The following CTNNA2 variants were observed in gnomAD, a reference collection of about 807,000 sequenced individuals.
CTNNA2 encodes catenin alpha 2, also known as catenin alpha-2.
In CTNNA2, 42 loss-of-function variants were observed where a neutral mutation model predicts 101.0. The observed-to-expected ratio is 0.42, with a 90% confidence interval of 0.32 to 0.54. CTNNA2 has a LOEUF of 0.54. CTNNA2 is among the 20% of genes least tolerant of loss of function. The pLI, the probability that CTNNA2 is intolerant of heterozygous loss-of-function variation, is 0.14. For synonymous variants in CTNNA2, 450 were observed against 456.4 expected (o/e 0.99, Z 0.18); for missense variants, 871 against 1,223.1 (o/e 0.71, Z 4.29).
chr2:79,703,681 A>G (rs1041176742), intron 2 of CTNNA2, among the ~76,000 whole-genome samples: 4 of 152,184 alleles, frequency 2.6e-5, no homozygotes, highest in African/African-American at 7.2e-5. Flanking sequence ...GAACTGAATT[A>G]TTTGTATTTA....
At chr2:80,306,452 C>CTTTCTT (rs1396803931) in intron 7 of CTNNA2, among the ~76,000 whole-genome samples, 11 of 135,304 alleles carry the variant, frequency 8.1e-5, no homozygotes, top group South Asian at 2.3e-4. Context: ...TTCTTTCTTT[C>CTTTCTT]TCTCTCTCTC....
Position 80,458,793 on chromosome 2 carries a change from A to C in CTNNA2, c.1290+39192A>C, listed in dbSNP as rs867993358. ...TATCCTGGGTTTATATTATTAACTT[A>C]TAGAGACTTAAACAATTATAAATGA... On this transcript the variant is annotated intron_variant, in intron 9 of 18. Transcript: ENST00000402739. Among the ~76,000 whole-genome samples, 3 of 152,258 alleles carry C rather than the reference A, an allele frequency of 2.0e-5. No individual in the cohort carries two copies. The South Asian group carries it at 6.2e-4, about 32-fold the overall frequency.
intron 13 of CTNNA2, chr2:80,579,354 T>C (rs185760391): frequency 1.3e-5 from 2 of 152,194 alleles, no homozygotes; most frequent in Admixed American, 6.5e-5. Context: ...ATATTCTGCT[T>C]ATTTTTGTTG....
chr2:79,236,093 G>A (rs1292326512), intron 2 of CTNNA2, among the ~76,000 whole-genome samples: 1 of 152,138 alleles, frequency 6.6e-6, no homozygotes, highest in Non-Finnish European at 1.5e-5. Flanking sequence ...GATGGATTCA[G>A]GCAGAAACAG....
intron 6 of CTNNA2, among the ~76,000 whole-genome samples, chr2:79,889,038 T>A (rs559345672): frequency 6.6e-6 from 1 of 152,254 alleles, no homozygotes; most frequent in South Asian, 2.1e-4. Flanking sequence ...GTGTGATTTC[T>A]TATGTTAGTA....
intron 3 of CTNNA2, among the ~76,000 whole-genome samples, chr2:79,324,852 G>A (rs1039546012): frequency 2.6e-5 from 4 of 152,134 alleles, no homozygotes; most frequent in African/African-American, 9.7e-5. Context: ...ATAGCAGGAG[G>A]CAGCATGAAG....
intron 1 of CTNNA2, among the ~76,000 whole-genome samples, chr2:79,568,172 C>T (rs1269233199): frequency 3.3e-5 from 5 of 152,122 alleles, no homozygotes; most frequent in African/African-American, 4.8e-5. Context: ...TCTGGCACAT[C>T]GTAAGTGCTA....
At chr2:80,258,112 A>G (rs1322780050) in intron 7 of CTNNA2, among the ~76,000 whole-genome samples, 1 of 152,212 alleles carries the variant, frequency 6.6e-6, no homozygotes, top group Admixed American at 6.5e-5. Context: ...TAACAGATGG[A>G]TGTAAAGTAA....
rs527704176 is a variant in CTNNA2, at chr2:80,491,204, G to A, written c.1291-53778G>A. On this transcript the variant is annotated intron_variant, in intron 9 of 18. Coordinates refer to ENST00000402739, the MANE Select transcript of CTNNA2 (RefSeq NM_001282597.3). Reference sequence around the variant, plus strand: ...AGCGAGGCAAACTGATTGTTTATCAGTCCCAGTTTGATGGCTTCAGAGCAG... The same window carrying A: ...AGCGAGGCAAACTGATTGTTTATCAATCCCAGTTTGATGGCTTCAGAGCAG... Among the ~76,000 whole-genome samples the A allele has an allele frequency of 1.2e-4, 19 of 152,280 alleles. 1 individual carries two copies. In the South Asian group the frequency reaches 3.5e-3, roughly 28 times the overall value.
intron 2 of CTNNA2, among the ~76,000 whole-genome samples, chr2:79,718,734 T>A (rs536459635): frequency 6.6e-6 from 1 of 152,124 alleles, no homozygotes; most frequent in African/African-American, 2.4e-5. Context: ...TGCTGATGTA[T>A]AGCAAAGATT....
intron 7 of CTNNA2, among the ~76,000 whole-genome samples, chr2:80,315,913 T>C (rs1278979065): frequency 6.6e-6 from 1 of 152,182 alleles, no homozygotes; most frequent in Non-Finnish European, 1.5e-5. Flanking sequence ...ACCTATGGCT[T>C]GTTAGAAATG....
intron 2 of CTNNA2, among the ~76,000 whole-genome samples, chr2:79,302,831 A>C (rs1676145258): frequency 1.3e-5 from 2 of 152,216 alleles, no homozygotes; most frequent in South Asian, 4.1e-4. Flanking sequence ...GTTGAACTCT[A>C]ATTACATGTC....
chr2:79,389,929 T>A (rs368679159), intron 4 of CTNNA2, among the ~76,000 whole-genome samples: 19 of 152,308 alleles, frequency 1.2e-4, no homozygotes, highest in African/African-American at 4.6e-4. Flanking sequence ...ATTTTTATGA[T>A]TACTTCAGAA....
At chr2:79,350,686 A>G (rs1677366908) in intron 3 of CTNNA2, among the ~76,000 whole-genome samples, 1 of 152,124 alleles carries the variant, frequency 6.6e-6, no homozygotes, top group African/African-American at 2.4e-5. Flanking sequence ...TGTTAGTCCT[A>G]GTTTTAGTCC....
chr2:79,433,978 A>T (rs1678683742), intron 4 of CTNNA2, among the ~76,000 whole-genome samples: 1 of 152,126 alleles, frequency 6.6e-6, no homozygotes, highest in Non-Finnish European at 1.5e-5. Context: ...TGTTCTTTAG[A>T]GAGGTGGTTC....
At position 80,604,145 on chromosome 2, in the gene CTNNA2, G is replaced by A; in HGVS notation, c.2261G>A (p.Arg754Gln). 3.7e-6 allele frequency: 6 copies of A among 1,613,028 alleles called. No individual in the cohort carries two copies. The highest frequency in any genetic ancestry group is 5.1e-6 in the Non-Finnish European group (6 of 1,179,416). The change falls in exon 16 of 19, where the codon CGA (arginine) becomes CAA (glutamine). Residue 754 changes from arginine (R) to glutamine (Q), a missense_variant. Arg to Gln is a conservative substitution (Grantham distance 43). This residue lies in a region of CTNNA2 where 93 missense variants were observed against 223.7 expected (regional missense o/e 0.42). Coordinates refer to ENST00000402739, the MANE Select transcript of CTNNA2 (RefSeq NM_001282597.3). ...AAKKIAEAGSRMDKLARAVAD... is the reference protein window; with the variant it reads ...AAKKIAEAGSQMDKLARAVAD... Reference sequence around the variant, plus strand: ...AAGAAAATTGCCGAAGCAGGTTCTCGAATGGACAAATTAGCTCGTGCTGTG... The same window carrying A: ...AAGAAAATTGCCGAAGCAGGTTCTCAAATGGACAAATTAGCTCGTGCTGTG...
chr2:80,350,398 G>C (rs146420791), intron 7 of CTNNA2, among the ~76,000 whole-genome samples: 2 of 152,096 alleles, frequency 1.3e-5, no homozygotes, highest in African/African-American at 4.8e-5. Context: ...ATAGATGCCC[G>C]CTAATCATTT....
At chr2:79,748,692 G>A (rs965194910) in intron 3 of CTNNA2, among the ~76,000 whole-genome samples, 9 of 151,786 alleles carry the variant, frequency 5.9e-5, no homozygotes, top group Non-Finnish European at 1.0e-4. Flanking sequence ...CTATGTTATT[G>A]TATTTCATAT....
intron 7 of CTNNA2, among the ~76,000 whole-genome samples, chr2:79,994,073 A>G (rs956700105): frequency 1.1e-4 from 17 of 151,902 alleles, no homozygotes; most frequent in Admixed American, 1.0e-3. Flanking sequence ...ACACCTAGCT[A>G]TTTTGGGGTT....
Sources: gnomAD v4.1 joint callset for allele counts (sites outside exome capture counted in the v4.1 genomes callset) on GRCh38, gnomAD v4.1.1 for gene constraint, gnomAD v4.1.1 regional missense constraint, MANE v1.5 for transcripts, NCBI Gene and HGNC (gene_info 2026-07-23, HGNC 2026-07-21) for gene names.